The following ADGB variants were observed in gnomAD, a reference collection of about 807,000 sequenced individuals.
ADGB encodes androglobin.
ADGB carries 172 observed loss-of-function variants against 210.5 expected under a neutral mutation model. That is an observed-to-expected ratio of 0.82 (90% confidence interval 0.72 to 0.93). The LOEUF (loss-of-function observed/expected upper bound fraction) is 0.93, where lower values mean the gene tolerates loss of function less well. Ranked by LOEUF, ADGB falls within the 40% of genes least tolerant of loss-of-function variation. The probability of loss-of-function intolerance (pLI) is 0.00; values close to 1 mark genes in which losing one functional copy is unlikely to be tolerated. For missense variants in ADGB, 2,025 were observed against 1,964.8 expected, an observed-to-expected ratio of 1.03 and a Z score of -0.58; for synonymous variants, 658 against 662.7, an observed-to-expected ratio of 0.99 and a Z score of 0.11.
chr6:146,788,331 T>C (rs1777907289), intron 32 of ADGB, 58 bp from the exon 33 acceptor site: 3 of 1,446,112 alleles, frequency 2.1e-6, no homozygotes, highest in African/African-American at 1.4e-5. Context: ...CCTGTTACTG[T>C]TTGCATGTGA....
chr6:146,766,665 A>G (rs1777581030), intron 28 of ADGB, among the ~76,000 whole-genome samples: 1 of 152,048 alleles, frequency 6.6e-6, no homozygotes, highest in Admixed American at 6.5e-5. Context: ...TTTTGGCTTT[A>G]TAGGATAGGT....
chr6:146,689,530 ATT>A (rs1485291391), intron 10 of ADGB, among the ~76,000 whole-genome samples: 1 of 152,018 alleles, frequency 6.6e-6, no homozygotes, highest in African/African-American at 2.4e-5. Context: ...GCTTTAAATC[ATT>A]TTATTTTCTA....
At position 146,736,511 on chromosome 6, in the gene ADGB, T is replaced by C; in HGVS notation, c.2808T>C (p.Asn936=). The C allele has an allele frequency of 6.5e-7, 1 of 1,532,338 alleles. No individual in the cohort carries two copies. Among genetic ancestry groups the C allele is most frequent in the South Asian group, 1.2e-5 (1 of 80,178 alleles). The allele number at this position is 1,532,338 out of a possible 1,614,324, so 94.9% of individuals were successfully genotyped here. ...MKARIPDTKE[N]ISVADTLQKV... is the part of the protein sequence containing the mutation. Reference sequence around the variant, plus strand: ...TATTATTTTTAGACACAAAAGAAAATATCAGTGTTGCAGATACTCTTCAAA... The same window carrying C: ...TATTATTTTTAGACACAAAAGAAAACATCAGTGTTGCAGATACTCTTCAAA... Residue 936 remains asparagine (N), a synonymous_variant, in exon 23 of 36, where the codon AAT becomes AAC. Transcript: ENST00000397944.
rs1324193367 is a variant in ADGB, at chr6:146,728,675, G to T, written c.2454G>T (p.Lys818Asn). Reference sequence around the variant, plus strand: ...AGGGTAAACTCTCTGCAGCTTTGAAGGATCTGCAAACAGCTCACTACCCTG... The same window carrying T: ...AGGGTAAACTCTCTGCAGCTTTGAATGATCTGCAAACAGCTCACTACCCTG... ...KDKGKLSAAL[K>N]DLQTAHYPVP... The change falls in exon 20 of 36, where the codon AAG becomes AAT. Residue 818 changes from lysine (K) to asparagine (N), a missense_variant. Lys to Asn is a moderately conservative substitution (Grantham distance 94). Transcript: ENST00000397944. 6.4e-7 allele frequency: 1 copy of T among 1,551,538 alleles called. No individual in the cohort carries two copies. Among genetic ancestry groups the T allele is most frequent in the African/African-American group, 1.4e-5 (1 of 73,138 alleles).
At chr6:146,723,825 G>A (rs930829573) in intron 17 of ADGB, among the ~76,000 whole-genome samples, 7 of 152,136 alleles carry the variant, frequency 4.6e-5, no homozygotes, top group African/African-American at 1.7e-4. Context: ...TTTTCAAGAT[G>A]TAATATGTTT....
chr6:146,684,107 A>G (rs1447120514), intron 9 of ADGB, among the ~76,000 whole-genome samples: 1 of 152,020 alleles, frequency 6.6e-6, no homozygotes, highest in Non-Finnish European at 1.5e-5. Context: ...AAGAAGCCCA[A>G]TCTTGCTCAG....
Position 146,636,100 on chromosome 6 carries a change from T to G in ADGB, c.237+563T>G, listed in dbSNP as rs575986532. Among the ~76,000 whole-genome samples the G allele has an allele frequency of 5.9e-5, 9 of 152,206 alleles. No individual in the cohort carries two copies. In the South Asian group the frequency reaches 1.9e-3, roughly 32 times the overall value. ...GAATTTCTGCATTTTCCAATTATATTACTTTATGTTATTTTGCCTATTTAA... is the reference window on the plus strand; with the variant it reads ...GAATTTCTGCATTTTCCAATTATATGACTTTATGTTATTTTGCCTATTTAA... On this transcript the variant is annotated intron_variant, in intron 2 of 35. Coordinates refer to ENST00000397944, the MANE Select transcript of ADGB (RefSeq NM_024694.4).
intron 1 of ADGB, among the ~76,000 whole-genome samples, chr6:146,619,673 T>A (rs1217179410): frequency 6.6e-6 from 1 of 152,104 alleles, no homozygotes; most frequent in African/African-American, 2.4e-5. Context: ...AACTTCAACA[T>A]CATCCCCATC....
In ADGB at chr6:146,633,048, T is replaced by C. The variant is rs73571831; in HGVS notation, c.75-2327T>C. 9.9e-3 allele frequency among the ~76,000 whole-genome samples: 1,514 copies of C among 152,242 alleles called. 29 individuals carry two copies. Among genetic ancestry groups the C allele is most frequent in the African/African-American group, 0.033 (1,368 of 41,554 alleles). ...TTTTCTCCCAAACTTCAGAATCTGA[T>C]GTCTAATTACCTACTCAGTATCCTC... is the stretch of plus-strand genomic sequence containing the variant. On this transcript the variant is annotated intron_variant, in intron 1 of 35. Transcript: ENST00000397944.
Position 146,788,611 on chromosome 6 carries a change from G to A in ADGB, c.4537+1G>A, listed in dbSNP as rs370591540. Reference sequence around the variant, plus strand: ...CAGAGCACACGGAAGGAAAACATTCGTAAGTATTGCTGTCATTGGTAACAT... The same window carrying A: ...CAGAGCACACGGAAGGAAAACATTCATAAGTATTGCTGTCATTGGTAACAT... On this transcript the variant is annotated splice_donor_variant, in intron 33 of 35. Coordinates refer to ENST00000397944, the MANE Select transcript of ADGB (RefSeq NM_024694.4). LOFTEE classifies it high-confidence loss of function. 2.3e-5 allele frequency: 36 copies of A among 1,550,098 alleles called. No individual in the cohort carries two copies. The highest frequency in any genetic ancestry group is 4.8e-5 in the South Asian group (4 of 84,026).
chr6:146,657,674 A>G (rs1045021245), intron 5 of ADGB, among the ~76,000 whole-genome samples: 2 of 152,106 alleles, frequency 1.3e-5, no homozygotes, highest in African/African-American at 4.8e-5. Flanking sequence ...TTCTTCTCTG[A>G]TGTGGTATCA....
chr6:146,813,171 T>C (rs1441110960), intron 35 of ADGB, among the ~76,000 whole-genome samples: 6 of 152,240 alleles, frequency 3.9e-5, no homozygotes, highest in Admixed American at 6.5e-5. Context: ...GTTCTATCTT[T>C]AGATATTTTT....
intron 12 of ADGB, among the ~76,000 whole-genome samples, chr6:146,700,554 T>C (rs1776476253): frequency 6.6e-6 from 1 of 152,164 alleles, no homozygotes; most frequent in South Asian, 2.1e-4. Context: ...GTCACAGTTA[T>C]AAACTTAAGT....
chr6:146,707,972 A>G (rs954968297), intron 13 of ADGB, among the ~76,000 whole-genome samples: 4 of 151,474 alleles, frequency 2.6e-5, no homozygotes, highest in African/African-American at 9.7e-5. Context: ...GTTTGCTTTG[A>G]TTTTATGTAT....
At chr6:146,736,998 T>C (rs1376323148) in intron 23 of ADGB, among the ~76,000 whole-genome samples, 1 of 151,912 alleles carries the variant, frequency 6.6e-6, no homozygotes, top group East Asian at 1.9e-4. Context: ...ATTCTAGCCA[T>C]AACTCATGTC....
chr6:146,807,431 T>C, intron 35 of ADGB: 1 of 1,551,568 alleles, frequency 6.4e-7, no homozygotes, highest in East Asian at 2.4e-5. Flanking sequence ...GACAGAAAAT[T>C]TTCGACATCC....
intron 27 of ADGB, among the ~76,000 whole-genome samples, chr6:146,755,384 G>A (rs184631879): frequency 4.9e-4 from 75 of 152,198 alleles, no homozygotes; most frequent in Non-Finnish European, 8.1e-4. Context: ...CCTCGTGGGA[G>A]GTGATTAGAC....
chr6:146,730,030 CA>C (rs1776956600), intron 20 of ADGB, among the ~76,000 whole-genome samples: 2 of 152,150 alleles, frequency 1.3e-5, no homozygotes, highest in South Asian at 2.1e-4. Context: ...TTAGCAAATA[CA>C]AATACAGGAC....
intron 1 of ADGB, among the ~76,000 whole-genome samples, chr6:146,611,911 T>C (rs191197636): frequency 9.7e-4 from 147 of 152,308 alleles, no homozygotes; most frequent in African/African-American, 3.5e-3. Context: ...TTTGCATACT[T>C]CTTATAAATA....
Sources: allele counts gnomAD v4.1 joint callset (sites outside exome capture counted in the v4.1 genomes callset), GRCh38; gene constraint gnomAD v4.1.1; transcripts MANE v1.5; gene names NCBI Gene and HGNC (gene_info 2026-07-23, HGNC 2026-07-21).